MGAT5: variants seen among roughly 807,000 people sequenced by gnomAD.
The protein encoded by MGAT5 is alpha-1,6-mannosylglycoprotein 6-beta-N-acetylglucosaminyltransferase A.
MGAT5 carries 30 observed loss-of-function variants against 94.3 expected under a neutral mutation model. That is an observed-to-expected ratio of 0.32 (90% confidence interval 0.24 to 0.43). The LOEUF (loss-of-function observed/expected upper bound fraction) is 0.43. MGAT5 is among the 20% of genes least tolerant of loss of function. MGAT5 has a pLI of 1.00. For missense variants in MGAT5, 691 were observed against 905.5 expected (o/e 0.76, Z 3.04); for synonymous variants, 310 against 322.9 (o/e 0.96, Z 0.43).
intron 10 of MGAT5, among the ~76,000 whole-genome samples, chr2:134,374,154 G>A (rs76897040): frequency 0.014 from 2,131 of 152,244 alleles, 57 homozygotes; most frequent in African/African-American, 0.048. Flanking sequence ...TCTGGGAAGG[G>A]TGGGGGATTC....
chr2:134,333,396 G>A (rs577266269), intron 4 of MGAT5, among the ~76,000 whole-genome samples: 2 of 132,714 alleles, frequency 1.5e-5, no homozygotes, highest in East Asian at 2.3e-4. Context: ...AGAACACATG[G>A]ACACAGGAAG....
intron 1 of MGAT5, among the ~76,000 whole-genome samples, chr2:134,205,932 A>C (rs35631371): frequency 1.2e-3 from 182 of 152,336 alleles, no homozygotes; most frequent in Middle Eastern, 3.4e-3. Flanking sequence ...ACAGCATGCC[A>C]AGAGATAGAA....
At chr2:134,227,365 ACT>A (rs1448665152) in intron 1 of MGAT5, among the ~76,000 whole-genome samples, 3 of 152,050 alleles carry the variant, frequency 2.0e-5, no homozygotes, top group African/African-American at 4.8e-5. Context: ...TCTTCTTACT[ACT>A]CTGTTTTGGT....
intron 14 of MGAT5, among the ~76,000 whole-genome samples, chr2:134,435,675 C>T (rs1205108632): frequency 6.6e-6 from 1 of 152,158 alleles, no homozygotes; most frequent in African/African-American, 2.4e-5. Context: ...GTGTCAGGCG[C>T]TTTTCTGAGC....
At chr2:134,137,343 C>T (rs1686456133) in intron 1 of MGAT5, among the ~76,000 whole-genome samples, 1 of 152,194 alleles carries the variant, frequency 6.6e-6, no homozygotes, top group African/African-American at 2.4e-5. Flanking sequence ...CTCTTGGCTT[C>T]CCGCTTGCCA....
In MGAT5 at chr2:134,323,230, T is replaced by C. The variant is rs530795621; in HGVS notation, c.573+4491T>C. Reference sequence around the variant, plus strand: ...TTAAAATACCCCCACAGCTGTTTGTTATATGTCTGACGCTGTACTAGAGAT... The same window carrying C: ...TTAAAATACCCCCACAGCTGTTTGTCATATGTCTGACGCTGTACTAGAGAT... On this transcript the variant is annotated intron_variant, in intron 4 of 15. Coordinates refer to ENST00000281923, the MANE Select transcript of MGAT5 (RefSeq NM_002410.5). Among the ~76,000 whole-genome samples the C allele has an allele frequency of 8.5e-5, 13 of 152,280 alleles. No individual in the cohort carries two copies. In the East Asian group the frequency reaches 2.3e-3, roughly 27 times the overall value.
At chr2:134,338,554 T>C (rs1396202841) in intron 6 of MGAT5, 134 bp downstream of exon 6, 4 of 965,322 alleles carry the variant, frequency 4.1e-6, no homozygotes, top group Admixed American at 3.4e-5. Context: ...CAGTCTCTTG[T>C]ACAGCTGTTT....
chr2:134,230,825 A>AAC (rs58303257), intron 1 of MGAT5, among the ~76,000 whole-genome samples: 87 of 150,880 alleles, frequency 5.8e-4, no homozygotes, highest in African/African-American at 1.4e-3. Context: ...GGGGAATGAA[A>AAC]ACACACACAC....
At chr2:134,186,794 T>C (rs1430988692) in intron 1 of MGAT5, among the ~76,000 whole-genome samples, 1 of 152,202 alleles carries the variant, frequency 6.6e-6, no homozygotes, top group African/African-American at 2.4e-5. Flanking sequence ...GAGGTCCTAC[T>C]CTGCACTCAG....
At chr2:134,377,505 C>A (rs931499235) in intron 10 of MGAT5, among the ~76,000 whole-genome samples, 4 of 152,208 alleles carry the variant, frequency 2.6e-5, no homozygotes, top group Admixed American at 2.6e-4. Flanking sequence ...GCTTATCAAT[C>A]AGGATTCAAT....
rs142393881 is a variant in MGAT5 at position 134,408,349 on chromosome 2, A to T, written c.1531-4520A>T. ...TCCAAGTTAATAAATTTACAATGTG[A>T]ATTGTAATGCATTTGATTTTATATT... On this transcript the variant is annotated intron_variant, in intron 11 of 15. Coordinates refer to ENST00000281923, the MANE Select transcript of MGAT5 (RefSeq NM_002410.5). Among the ~76,000 whole-genome samples the T allele has an allele frequency of 3.9e-3, 593 of 152,316 alleles. 4 individuals carry two copies. The highest frequency in any genetic ancestry group is 0.014 in the African/African-American group (573 of 41,566).
At chr2:134,260,410 A>C (rs1383808812) in intron 1 of MGAT5, among the ~76,000 whole-genome samples, 1 of 152,134 alleles carries the variant, frequency 6.6e-6, no homozygotes, top group Non-Finnish European at 1.5e-5. Flanking sequence ...TTGGGATGCT[A>C]TGTCTAAGAT....
chr2:134,265,895 C>T (rs951084972), intron 1 of MGAT5, among the ~76,000 whole-genome samples: 4 of 151,998 alleles, frequency 2.6e-5, no homozygotes, highest in Admixed American at 6.5e-5. Context: ...ATGGTCTGGG[C>T]GCGGTGGCTC....
In MGAT5 at chr2:134,416,844, A is replaced by AT. The variant is rs1223977731; in HGVS notation, c.1677+3830dup. Among the ~76,000 whole-genome samples, 6 of 149,316 alleles carry AT rather than the reference A, an allele frequency of 4.0e-5. No homozygotes were observed. The East Asian group carries it at 9.8e-4, about 24-fold the overall frequency. On this transcript the variant is annotated intron_variant, in intron 12 of 15. Transcript: ENST00000281923. ...GGTCTCCAACTCCTGGGATCAAGTG[A>AT]TCCCCCCCACCTCAGCCTCCCAAAG...
chr2:134,315,303 G>C (rs1371523647), intron 2 of MGAT5, among the ~76,000 whole-genome samples: 2 of 152,078 alleles, frequency 1.3e-5, no homozygotes, highest in Non-Finnish European at 2.9e-5. Flanking sequence ...ACCAACCCCA[G>C]GCTCTCATAG....
rs561617353 is a variant in MGAT5, at chr2:134,268,614, GGA to G, written c.242-1766_242-1765del. The stretch of plus-strand genomic sequence containing the variant: ...AGCAGTGAAGCTTTGCATCACCTGA[GGA>G]GAGAGTTCTTTGGGAAGGATGAGAA... On this transcript the variant is annotated intron_variant, in intron 1 of 15. Coordinates refer to ENST00000281923, the MANE Select transcript of MGAT5 (RefSeq NM_002410.5). The surrounding 1 kb of genome is among the most constrained non-coding windows in gnomAD (Gnocchi z 4.1). 3.3e-5 allele frequency among the ~76,000 whole-genome samples: 5 copies of G among 152,228 alleles called. No homozygotes were observed. The highest frequency in any genetic ancestry group is 2.0e-4 in the Admixed American group (3 of 15,288).
intron 1 of MGAT5, among the ~76,000 whole-genome samples, chr2:134,238,752 T>G (rs1681795132): frequency 6.6e-6 from 1 of 152,178 alleles, no homozygotes; most frequent in African/African-American, 2.4e-5. Flanking sequence ...AAGACCAGCC[T>G]GGCCAACATG....
At chr2:134,260,391 C>A (rs1160975380) in intron 1 of MGAT5, among the ~76,000 whole-genome samples, 2 of 152,172 alleles carry the variant, frequency 1.3e-5, no homozygotes, top group African/African-American at 4.8e-5. Context: ...CCGATTGGCC[C>A]TCATTGGCTT....
intron 14 of MGAT5, among the ~76,000 whole-genome samples, chr2:134,436,023 C>G (rs1685149135): frequency 6.6e-6 from 1 of 152,224 alleles, no homozygotes; most frequent in Non-Finnish European, 1.5e-5. Flanking sequence ...CATATGTAAT[C>G]AGCCAACTCA....
Sources: allele counts gnomAD v4.1 joint callset (sites outside exome capture counted in the v4.1 genomes callset), GRCh38; gene constraint gnomAD v4.1.1; non-coding constraint Gnocchi (gnomAD v3.1); transcripts MANE v1.5; gene names NCBI Gene and HGNC (gene_info 2026-07-23, HGNC 2026-07-21).